Variants in GAP43 observed in about 807,000 individuals in gnomAD.
GAP43 encodes growth associated protein 43.
GAP43 carries 6 observed loss-of-function variants against 18.6 expected under a neutral mutation model. That is an observed-to-expected ratio of 0.32 (90% CI 0.18 to 0.64). GAP43 has a LOEUF of 0.64. Among genes scored for constraint, GAP43 ranks in the 30% least tolerant of loss-of-function variants. The probability of loss-of-function intolerance (pLI) is 0.78; values close to 1 mark genes in which losing one functional copy is unlikely to be tolerated. For missense variants in GAP43, 292 were observed against 295.5 expected (o/e 0.99, Z 0.09); for synonymous variants, 115 against 111.4 (o/e 1.03, Z -0.20).
chr3:115,699,217 G>A (rs1709265107), intron 2 of GAP43, among the ~76,000 whole-genome samples: 1 of 152,194 alleles, frequency 6.6e-6, no homozygotes, highest in Non-Finnish European at 1.5e-5. Context: ...GAGTAAGACA[G>A]ATTTGTACCT....
chr3:115,684,280 C>A (rs945821953), intron 2 of GAP43, among the ~76,000 whole-genome samples: 1 of 151,976 alleles, frequency 6.6e-6, no homozygotes, highest in Non-Finnish European at 1.5e-5. Flanking sequence ...GGAATAGAAA[C>A]CAGAAGCCAT....
At chr3:115,682,794 C>T (rs1708973274) in intron 2 of GAP43, among the ~76,000 whole-genome samples, 1 of 152,114 alleles carries the variant, frequency 6.6e-6, no homozygotes, top group African/African-American at 2.4e-5. Context: ...GCTTCAGCCT[C>T]GCTGGGATTA....
At chr3:115,717,315 C>CT (rs34080211) in intron 2 of GAP43, among the ~76,000 whole-genome samples, 80,610 of 144,802 alleles carry the variant, frequency 0.56, 22,647 homozygotes, top group East Asian at 0.78. Flanking sequence ...ATTTTATTGT[C>CT]TTTTTTTTTT....
intron 2 of GAP43, among the ~76,000 whole-genome samples, chr3:115,692,034 T>C (rs999122954): frequency 1.3e-5 from 2 of 152,220 alleles, no homozygotes; most frequent in Non-Finnish European, 2.9e-5. Context: ...TCAGGAGGGT[T>C]CTTTCATCTC....
intron 1 of GAP43, among the ~76,000 whole-genome samples, chr3:115,634,076 A>G (rs775068603): frequency 7.2e-5 from 11 of 152,216 alleles, no homozygotes; most frequent in Non-Finnish European, 1.3e-4. Flanking sequence ...CAGTTCCAAT[A>G]ACTATTCAAA....
chr3:115,632,935 C>G (rs938572418), intron 1 of GAP43, among the ~76,000 whole-genome samples: 1 of 152,042 alleles, frequency 6.6e-6, no homozygotes, highest in Non-Finnish European at 1.5e-5. Context: ...CCTCAGAACA[C>G]ACTACTTCTA....
chr3:115,657,713 TTAA>T (rs1236547978), intron 1 of GAP43, among the ~76,000 whole-genome samples: 1 of 152,154 alleles, frequency 6.6e-6, no homozygotes, highest in African/African-American at 2.4e-5. Flanking sequence ...GTAACATATA[TTAA>T]TAATATATGA....
At chr3:115,711,930 T>G (rs1296600510) in intron 2 of GAP43, among the ~76,000 whole-genome samples, 4 of 152,240 alleles carry the variant, frequency 2.6e-5, no homozygotes, top group Non-Finnish European at 5.9e-5. Flanking sequence ...CTTAATATAT[T>G]TACTTCATCT....
At chr3:115,637,211 C>T (rs1455763719) in intron 1 of GAP43, among the ~76,000 whole-genome samples, 1 of 152,006 alleles carries the variant, frequency 6.6e-6, no homozygotes, top group South Asian at 2.1e-4. Flanking sequence ...CCTTAACCAT[C>T]CATTTGCGTT....
intron 1 of GAP43, chr3:115,663,853 T>C (rs1708697364): frequency 3.9e-6 from 6 of 1,551,948 alleles, no homozygotes; most frequent in Admixed American, 2.0e-5. Flanking sequence ...TGAGGAAAAA[T>C]CTTCAGAGAG....
At chr3:115,646,773 C>T (rs1430550318) in intron 1 of GAP43, among the ~76,000 whole-genome samples, 2 of 152,010 alleles carry the variant, frequency 1.3e-5, no homozygotes, top group African/African-American at 2.4e-5. Flanking sequence ...TCTATTAAGA[C>T]TCATTTGCGA....
At chr3:115,624,353 G>T (rs1016212945) in intron 1 of GAP43, among the ~76,000 whole-genome samples, 3 of 151,632 alleles carry the variant, frequency 2.0e-5, no homozygotes, top group Non-Finnish European at 4.4e-5. Context: ...GGAGAAATTG[G>T]CCATGCAGAA....
chr3:115,632,896 C>G (rs928543932), intron 1 of GAP43, among the ~76,000 whole-genome samples: 2 of 152,044 alleles, frequency 1.3e-5, no homozygotes, highest in Non-Finnish European at 2.9e-5. Context: ...CTAGCTACAT[C>G]CCTTTCTCCC....
intron 1 of GAP43, among the ~76,000 whole-genome samples, chr3:115,666,963 G>T (rs558335974): frequency 6.6e-6 from 1 of 152,160 alleles, no homozygotes; most frequent in Non-Finnish European, 1.5e-5. Context: ...TGTAAGAAGA[G>T]AGAGGAAAAT....
At chr3:115,632,954 G>A (rs915777023) in intron 1 of GAP43, among the ~76,000 whole-genome samples, 3 of 151,864 alleles carry the variant, frequency 2.0e-5, no homozygotes, top group African/African-American at 7.2e-5. Context: ...TATTATATAT[G>A]CGTTTTTTGA....
At chr3:115,642,280 T>C (rs1223653860) in intron 1 of GAP43, among the ~76,000 whole-genome samples, 3 of 152,080 alleles carry the variant, frequency 2.0e-5, no homozygotes, top group Non-Finnish European at 4.4e-5. Context: ...TTAGGCTTTA[T>C]CATCAAGACC....
chr3:115,678,028 A>G (rs1310478977), intron 2 of GAP43, among the ~76,000 whole-genome samples: 1 of 152,168 alleles, frequency 6.6e-6, no homozygotes, highest in African/African-American at 2.4e-5. Flanking sequence ...TTCATTTTGA[A>G]TCTTTATTCT....
At chr3:115,677,326 T>C (rs1482452071) in intron 2 of GAP43, among the ~76,000 whole-genome samples, 1 of 152,228 alleles carries the variant, frequency 6.6e-6, no homozygotes, top group East Asian at 1.9e-4. Context: ...CATTTTATTA[T>C]TGAAGACACG....
At chr3:115,683,953 C>A (rs1708999769) in intron 2 of GAP43, among the ~76,000 whole-genome samples, 1 of 151,864 alleles carries the variant, frequency 6.6e-6, no homozygotes, top group Non-Finnish European at 1.5e-5. Context: ...GGAAGATATA[C>A]AAGTTAGATG....
Sources: gnomAD v4.1 joint callset for allele counts (sites outside exome capture counted in the v4.1 genomes callset) on GRCh38, gnomAD v4.1.1 for gene constraint, MANE v1.5 for transcripts, NCBI Gene and HGNC (gene_info 2026-07-23, HGNC 2026-07-21) for gene names.